The following TSEN54 variants were observed in gnomAD, a reference collection of about 807,000 sequenced individuals.
TSEN54 encodes the protein tRNA-splicing endonuclease subunit Sen54.
Under a neutral mutation model 61.9 loss-of-function variants are expected in TSEN54, and 55 were observed. That is an observed-to-expected ratio of 0.89 (90% CI 0.72 to 1.11). TSEN54 has a LOEUF of 1.11. Ranked by LOEUF, TSEN54 falls within the 50% of genes most tolerant of loss-of-function variation. The pLI, the probability that TSEN54 is intolerant of heterozygous loss-of-function variation, is 0.00. For missense variants in TSEN54, 760 were observed against 687.7 expected (o/e 1.11, Z -1.18); for synonymous variants, 304 against 288.7 (o/e 1.05, Z -0.54).
At chr17:75,523,172 C>T (rs1038451268) in intron 8 of TSEN54, 103 bp from the exon 9 acceptor site, 31 of 1,487,668 alleles carry the variant, frequency 2.1e-5, no homozygotes, top group Middle Eastern at 1.7e-4. Flanking sequence ...GAGTGAGACT[C>T]CGTTTAAAAA....
rs760648694 is a variant in TSEN54, at chr17:75,517,040, G to A, written c.253G>A (p.Glu85Lys). The A allele has an allele frequency of 1.9e-6, 3 of 1,596,246 alleles. No individual in the cohort carries two copies. Among genetic ancestry groups the A allele is most frequent in the Non-Finnish European group, 2.6e-6 (3 of 1,172,200 alleles). The part of the protein sequence containing the change: ...GSLVAAEWRP[E>K]EGFVELKSPA... The stretch of plus-strand genomic sequence containing the variant: ...CTTGGTGGCTGCCGAGTGGAGGCCA[G>A]AAGAGGGCTTCGTGGAGTTGAAGTC... The change falls in exon 3 of 11, where the codon GAA becomes AAA. Residue 85 changes from glutamate to lysine, a missense_variant. Glu to Lys is a moderately conservative substitution (Grantham distance 56). Coordinates refer to ENST00000333213, the MANE Select transcript of TSEN54 (RefSeq NM_207346.3).
rs909492539 is a variant in TSEN54 at position 75,521,572 on chromosome 17, A to C, written c.623+62A>C. ...TGGTGTCTGGGACCTTGGAAAATGC[A>C]CAGGCTTTCTAAGAACCAGCAGCTC... On this transcript the variant is annotated intron_variant, in intron 7 of 10. Coordinates refer to ENST00000333213, the MANE Select transcript of TSEN54 (RefSeq NM_207346.3). 9 of 1,587,692 alleles carry C rather than the reference A, an allele frequency of 5.7e-6. No individual in the cohort carries two copies. The African/African-American group carries it at 8.1e-5, about 14-fold the overall frequency.
intron 8 of TSEN54, chr17:75,522,590 G>A: frequency 7.2e-7 from 1 of 1,379,462 alleles, no homozygotes; most frequent in Non-Finnish European, 9.5e-7. Context: ...CAACATGCAT[G>A]TGGATGGCTT....
In TSEN54 at chr17:75,524,327, C is replaced by T. The variant is rs759701548; in HGVS notation, c.1496C>T (p.Pro499Leu). The T allele has an allele frequency of 7.4e-6, 12 of 1,614,216 alleles. No individual in the cohort carries two copies. The Middle Eastern group carries it at 4.9e-4, about 67-fold the overall frequency. ...KRLSYQSGDV[P>L]LIFALVDHGD... ...TTGTCTTACCAGAGTGGGGATGTCC[C>T]TCTGATCTTTGCCCTGGTGGATCAT... The change falls in exon 11 of 11, where the codon CCT (proline) becomes CTT (leucine). Residue 499 changes from proline to leucine, a missense_variant. Pro to Leu is a moderately conservative substitution (Grantham distance 98, BLOSUM62 -3). Transcript: ENST00000333213.
chr17:75,521,364 C>G (rs1322361248), intron 6 of TSEN54, 45 bp from the exon 7 acceptor site: 1 of 1,505,386 alleles, frequency 6.6e-7, no homozygotes, highest in Non-Finnish European at 9.2e-7. Flanking sequence ...GATCCCCAGG[C>G]TGAGGAGGTG....
In TSEN54 at chr17:75,522,216, C is replaced by T. The variant is rs761392770; in HGVS notation, c.1135C>T (p.Arg379Trp). Residue 379 changes from arginine to tryptophan, a missense_variant, in exon 8 of 11, where the codon CGG (arginine) becomes TGG (tryptophan). This residue lies in a region of TSEN54 where 667 missense variants were observed against 577.8 expected (regional missense o/e 1.15). Coordinates refer to ENST00000333213, the MANE Select transcript of TSEN54 (RefSeq NM_207346.3). ...DPEVQRCSSW[R>W]EYKELLQRRQ... ...CGAGGTGCAGCGGTGCTCCAGCTGG[C>T]GGGAGTACAAGGAGCTGCTGCAGCG... The T allele has an allele frequency of 1.4e-5, 21 of 1,547,426 alleles. No individual in the cohort carries two copies. Among genetic ancestry groups the T allele is most frequent in the East Asian group, 2.4e-5 (1 of 40,840 alleles).
chr17:75,519,189 G>C, intron 6 of TSEN54, 142 bp downstream of exon 6: 1 of 936,686 alleles, frequency 1.1e-6, no homozygotes. Context: ...GCGCCTGCTG[G>C]AAGCGTTCTG....
chr17:75,517,323 C>T, intron 4 of TSEN54, 79 bp downstream of exon 4: 3 of 1,487,356 alleles, frequency 2.0e-6, no homozygotes, highest in Admixed American at 2.0e-5. Context: ...AAAAAGCACA[C>T]ACAACCCGGT....
intron 5 of TSEN54, chr17:75,518,742 T>G: frequency 1.0e-6 from 1 of 985,444 alleles, no homozygotes; most frequent in South Asian, 4.7e-5. Context: ...GTTTCATGGC[T>G]ATCAGTTTTT....
intron 5 of TSEN54, chr17:75,518,393 A>G: frequency 2.8e-6 from 1 of 352,790 alleles, no homozygotes; most frequent in Non-Finnish European, 4.0e-6. Flanking sequence ...AAGCAGAAAC[A>G]GACCGAGGAG....
At position 75,521,454 on chromosome 17, in the gene TSEN54, C is replaced by T. The variant is rs767578722; in HGVS notation, c.567C>T (p.Ser189=). The T allele has an allele frequency of 1.7e-5, 27 of 1,614,120 alleles. 1 individual carries two copies. Among genetic ancestry groups the T allele is most frequent in the Admixed American group, 1.3e-4 (8 of 60,030 alleles). The change falls in exon 7 of 11, where the codon AGC becomes AGT. Residue 189 remains serine (S), a synonymous_variant. Coordinates refer to ENST00000333213, the MANE Select transcript of TSEN54 (RefSeq NM_207346.3). ...PYERQLNLDA[S]VQHLEDGDGK... ...AGAGGCAGCTTAACCTGGATGCCAG[C>T]GTGCAGCACTTGGAGGATGGAGATG...
At position 75,524,296 on chromosome 17, in the gene TSEN54, A is replaced by G; in HGVS notation, c.1465A>G (p.Lys489Glu). ...GCCTGTCCCAGACCTCTGCAGCCTC[A>G]AGCGGTTGTCTTACCAGAGTGGGGA... is the stretch of plus-strand genomic sequence containing the variant. ...DEPVPDLCSL[K>E]RLSYQSGDVP... The change falls in exon 11 of 11, where the codon AAG becomes GAG. Residue 489 changes from lysine to glutamate, a missense_variant. Lys to Glu is a moderately conservative substitution (Grantham distance 56). Coordinates refer to ENST00000333213, the MANE Select transcript of TSEN54 (RefSeq NM_207346.3). 6.2e-7 allele frequency: 1 copy of G among 1,614,156 alleles called. No homozygotes were observed. The highest frequency in any genetic ancestry group is 8.5e-7 in the Non-Finnish European group (1 of 1,180,028).
chr17:75,521,526 C>T lies in TSEN54; in HGVS notation c.623+16C>T, dbSNP rs371048727. On this transcript the variant is annotated intron_variant, in intron 7 of 10. Coordinates refer to ENST00000333213, the MANE Select transcript of TSEN54 (RefSeq NM_207346.3). ...CCAGCCCTCGGTAACTCCCACATCA[C>T]GGTGGCCCCCCAGGGAGTGCTGGTG... 1.2e-4 allele frequency: 189 copies of T among 1,611,712 alleles called. No individual in the cohort carries two copies. The highest frequency in any genetic ancestry group is 7.4e-4 in the South Asian group (67 of 91,026).
At chr17:75,523,860 C>T in intron 10 of TSEN54, 81 bp downstream of exon 10, 15 of 1,474,894 alleles carry the variant, frequency 1.0e-5, no homozygotes, top group Non-Finnish European at 1.4e-5. Flanking sequence ...CTGTACTCCC[C>T]TGGCCAGCGT....
chr17:75,518,236 G>A (rs1339723945), intron 5 of TSEN54, among the ~76,000 whole-genome samples: 1 of 152,178 alleles, frequency 6.6e-6, no homozygotes, highest in African/African-American at 2.4e-5. Context: ...AGTCTGGAGT[G>A]TGAGGAGAGG....
chr17:75,524,691 G>A lies in TSEN54; in HGVS notation c.*279G>A. Reference sequence around the variant, plus strand: ...GTGTGCCTTTAACGAGAGGGTGCCTGCTTCGTGCTATAAAGCCAAAGCCAT... The same window carrying A: ...GTGTGCCTTTAACGAGAGGGTGCCTACTTCGTGCTATAAAGCCAAAGCCAT... On this transcript the variant is annotated 3_prime_UTR_variant, in exon 11 of 11. Transcript: ENST00000333213. 1.8e-6 allele frequency: 1 copy of A among 542,474 alleles called. No individual in the cohort carries two copies. The highest frequency in any genetic ancestry group is 3.3e-5 in the East Asian group (1 of 29,860). The allele number at this position is 542,474 out of a possible 1,614,324, so 33.6% of individuals were successfully genotyped here.
At chr17:75,517,963 C>G (rs1341398773) in intron 5 of TSEN54, among the ~76,000 whole-genome samples, 1 of 152,062 alleles carries the variant, frequency 6.6e-6, no homozygotes, top group East Asian at 1.9e-4. Flanking sequence ...AGATGAATCT[C>G]AGAAATATTT....
At chr17:75,518,245 G>C (rs1176161516) in intron 5 of TSEN54, among the ~76,000 whole-genome samples, 1 of 152,184 alleles carries the variant, frequency 6.6e-6, no homozygotes, top group Non-Finnish European at 1.5e-5. Flanking sequence ...TGTGAGGAGA[G>C]GTCAAGGCTA....
chr17:75,521,619 C>T (rs896560667), intron 7 of TSEN54, 86 bp from the exon 8 acceptor site: 1 of 1,570,476 alleles, frequency 6.4e-7, no homozygotes, highest in African/African-American at 1.4e-5. Flanking sequence ...CAGGGAGACA[C>T]TAGGGGACCT....
Sources: gnomAD v4.1 joint callset for allele counts (sites outside exome capture counted in the v4.1 genomes callset) on GRCh38, gnomAD v4.1.1 for gene constraint, gnomAD v4.1.1 regional missense constraint, MANE v1.5 for transcripts, NCBI Gene and HGNC (gene_info 2026-07-23, HGNC 2026-07-21) for gene names.